Variants in DCLK1 observed in about 807,000 individuals in gnomAD.
DCLK1 encodes doublecortin like kinase 1.
In DCLK1, 16 loss-of-function variants were observed where a neutral mutation model predicts 86.2. The ratio of observed to expected loss-of-function variants is 0.19; its 90% CI spans 0.13 to 0.28. DCLK1 has a LOEUF of 0.28. DCLK1 is among the 10% of genes least tolerant of loss of function. The pLI, the probability that DCLK1 is intolerant of heterozygous loss-of-function variation, is 1.00. For synonymous variants in DCLK1, 369 were observed against 370.5 expected (o/e 1.00, Z 0.05); for missense variants, 590 against 940.2 (o/e 0.63, Z 4.87).
chr13:36,020,737 A>G (rs1881741829), intron 3 of DCLK1, among the ~76,000 whole-genome samples: 2 of 116,852 alleles, frequency 1.7e-5, no homozygotes, highest in African/African-American at 8.6e-5. Context: ...TGCTGAAAGA[A>G]AAAAAAAACT....
At chr13:35,816,304 A>AT (rs2087264843) in intron 11 of DCLK1, among the ~76,000 whole-genome samples, 1 of 152,192 alleles carries the variant, frequency 6.6e-6, no homozygotes, top group South Asian at 2.1e-4. Flanking sequence ...CACTGTTCAT[A>AT]TTTTGGGACA....
At chr13:35,847,738 G>A in intron 6 of DCLK1, 2 of 984,754 alleles carry the variant, frequency 2.0e-6, no homozygotes, top group Non-Finnish European at 2.4e-6. Context: ...TATATATATA[G>A]TACATCAGCG....
intron 3 of DCLK1, among the ~76,000 whole-genome samples, chr13:36,055,178 G>A (rs1883257441): frequency 6.6e-6 from 1 of 152,138 alleles, no homozygotes; most frequent in Admixed American, 6.5e-5. Context: ...AGGGCTCAAG[G>A]ATGAGGGGCT....
intron 3 of DCLK1, among the ~76,000 whole-genome samples, chr13:36,027,053 A>G (rs537660359): frequency 5.7e-4 from 87 of 152,306 alleles, no homozygotes; most frequent in Non-Finnish European, 1.1e-3. Flanking sequence ...TGATGGGGCT[A>G]ATATCTAAGG....
intron 3 of DCLK1, among the ~76,000 whole-genome samples, chr13:36,098,261 GAGAAAATGTTTCCAGCTGTTGTAAC>G (rs1885083638): frequency 6.6e-6 from 1 of 152,184 alleles, no homozygotes; most frequent in African/African-American, 2.4e-5. Context: ...ACGTAAACTG[GAGAAAATGTTTCCAGCTGTTGTAAC>G]AGAAAATGTC....
At chr13:36,072,769 C>A (rs551211556) in intron 3 of DCLK1, among the ~76,000 whole-genome samples, 1 of 152,300 alleles carries the variant, frequency 6.6e-6, no homozygotes, top group Admixed American at 6.5e-5. Context: ...GCAGCCCTAC[C>A]TTGTTAAAAA....
intron 6 of DCLK1, 113 bp downstream of exon 6, chr13:35,854,386 C>T (rs2153110622): frequency 1.3e-6 from 1 of 740,980 alleles, no homozygotes; most frequent in Non-Finnish European, 2.0e-6. Context: ...TGGTCACCTC[C>T]TGTTCTAGCT....
Position 35,936,962 on chromosome 13 carries a change from C to CTTTTTTTTTTTTTTTTTTTTT in DCLK1, c.823+10375_823+10395dup, listed in dbSNP as rs140269668. 1.9e-3 allele frequency among the ~76,000 whole-genome samples: 124 copies of CTTTTTTTTTTTTTTTTTTTTT among 65,726 alleles called. 10 individuals are homozygous for CTTTTTTTTTTTTTTTTTTTTT. The highest frequency in any genetic ancestry group is 2.5e-3 in the South Asian group (4 of 1,616). 43.1% of individuals were successfully genotyped at this position (65,726 alleles called of 152,430 possible). A position where few individuals can be genotyped will look rare whatever the true frequency, so the allele number is the denominator to read the frequency against. ...TTAAAACATCCAAAAGAAAAGTTAG[C>CTTTTTTTTTTTTTTTTTTTTT]TTTTTTTTTTTTTTTTTTTTTTTTT... On this transcript the variant is annotated intron_variant, in intron 4 of 16. Transcript: ENST00000360631.
chr13:36,060,502 C>A (rs1334760679), intron 3 of DCLK1, among the ~76,000 whole-genome samples: 1 of 151,980 alleles, frequency 6.6e-6, no homozygotes, highest in Non-Finnish European at 1.5e-5. Flanking sequence ...ACAGACATTC[C>A]GTATTATACT....
At chr13:35,817,009 A>G in intron 11 of DCLK1, among the ~76,000 whole-genome samples, 1 of 152,148 alleles carries the variant, frequency 6.6e-6, no homozygotes, top group Non-Finnish European at 1.5e-5. Flanking sequence ...CCACCAACAC[A>G]TATGAGATAA....
At chr13:35,843,030 T>A (rs1043143477) in intron 6 of DCLK1, among the ~76,000 whole-genome samples, 26 of 152,200 alleles carry the variant, frequency 1.7e-4, no homozygotes, top group Non-Finnish European at 1.2e-4. Context: ...TCTTTAGAAT[T>A]AACTTAATGA....
At chr13:35,816,328 C>T (rs897813789) in intron 11 of DCLK1, among the ~76,000 whole-genome samples, 1 of 152,126 alleles carries the variant, frequency 6.6e-6, no homozygotes, top group Admixed American at 6.6e-5. Flanking sequence ...ACTTCCAGAG[C>T]TTTCTTTCTC....
chr13:36,111,789 T>C, intron 3 of DCLK1, 80 bp downstream of exon 3: 2 of 1,314,940 alleles, frequency 1.5e-6, no homozygotes, highest in African/African-American at 1.5e-5. Flanking sequence ...TTGAGCAAAA[T>C]GTATGCTTTA....
intron 5 of DCLK1, 76 bp downstream of exon 5, chr13:35,871,148 C>G (rs1348729027): frequency 2.4e-6 from 3 of 1,238,574 alleles, no homozygotes; most frequent in African/African-American, 3.0e-5. Flanking sequence ...ACCTCACACT[C>G]TAGGCTTCAC....
chr13:35,898,893 C>T (rs771216656), intron 4 of DCLK1, among the ~76,000 whole-genome samples: 1 of 152,148 alleles, frequency 6.6e-6, no homozygotes, highest in Non-Finnish European at 1.5e-5. Flanking sequence ...AGGCAGGTGC[C>T]ACCATGCCCA....
rs532084298 is a variant in DCLK1, at chr13:35,778,285, T to G, written c.2059-3586A>C. Among the ~76,000 whole-genome samples, 12 of 152,312 alleles carry G rather than the reference T, an allele frequency of 7.9e-5. No homozygotes were observed. In the South Asian group the frequency reaches 2.3e-3, roughly 29 times the overall value. On this transcript the variant is annotated intron_variant, in intron 16 of 16. Coordinates refer to ENST00000360631, the MANE Select transcript of DCLK1 (RefSeq NM_001330071.2). ...CCTTGTCCCAGCCTTTGCAATGTGC[T>G]TCCAATAAAAACTTCCAGGGTGTAT...
Position 35,826,567 on chromosome 13 carries a change from T to C in DCLK1, c.1407+1068A>G, listed in dbSNP as rs1314974947. ...AGAAAGAAAGAAAGAAAGAAACAAGTCCTAATTTGAAGTAGACTAAAAATA... is the reference window on the plus strand; with the variant it reads ...AGAAAGAAAGAAAGAAAGAAACAAGCCCTAATTTGAAGTAGACTAAAAATA... On this transcript the variant is annotated intron_variant, in intron 10 of 16. Transcript: ENST00000360631. Among the ~76,000 whole-genome samples the C allele has an allele frequency of 1.1e-4, 7 of 64,170 alleles. 3 individuals are homozygous for C. The highest frequency in any genetic ancestry group is 2.8e-4 in the Non-Finnish European group (7 of 24,640). The allele number at this position is 64,170 out of a possible 152,430, so 42.1% of individuals were successfully genotyped here.
intron 4 of DCLK1, among the ~76,000 whole-genome samples, chr13:35,925,555 T>C (rs1876066393): frequency 6.6e-6 from 1 of 152,244 alleles, no homozygotes; most frequent in Non-Finnish European, 1.5e-5. Flanking sequence ...TTTGATAGAA[T>C]GCCTTTCTTG....
chr13:35,941,844 T>C (rs1046624738), intron 4 of DCLK1, among the ~76,000 whole-genome samples: 1 of 152,170 alleles, frequency 6.6e-6, no homozygotes, highest in Non-Finnish European at 1.5e-5. Context: ...AGTATAAAAA[T>C]ATGATACCCC....
Sources: allele counts gnomAD v4.1 joint callset (sites outside exome capture counted in the v4.1 genomes callset), GRCh38; gene constraint gnomAD v4.1.1; transcripts MANE v1.5; gene names NCBI Gene and HGNC (gene_info 2026-07-23, HGNC 2026-07-21).